CASP10: variants seen among roughly 807,000 people sequenced by gnomAD.
The protein encoded by CASP10 is caspase-10.
Under a neutral mutation model 48.5 loss-of-function variants are expected in CASP10, and 41 were observed. The ratio of observed to expected loss-of-function variants is 0.85; its 90% CI spans 0.66 to 1.10. The LOEUF (loss-of-function observed/expected upper bound fraction) is 1.10, where lower values mean the gene tolerates loss of function less well. CASP10 is among the 50% of genes least tolerant of loss of function. The pLI is 0.00. For synonymous variants in CASP10, 232 were observed against 238.4 expected (o/e 0.97, Z 0.25); for missense variants, 614 against 614.5 (o/e 1.00, Z 0.01).
intron 9 of CASP10, chr2:201,214,043 T>C (rs1159874161): frequency 6.6e-6 from 1 of 152,146 alleles, no homozygotes; most frequent in African/African-American, 2.4e-5. Context: ...TATAGGGGTA[T>C]TTTTACTATG....
chr2:201,228,130 G>T (rs1945812439), intron 9 of CASP10, among the ~76,000 whole-genome samples: 1 of 152,148 alleles, frequency 6.6e-6, no homozygotes, highest in Non-Finnish European at 1.5e-5. Context: ...GAGGCCAGGA[G>T]TATGAGACCA....
At chr2:201,204,018 G>T (rs993934634) in intron 6 of CASP10, among the ~76,000 whole-genome samples, 3 of 152,080 alleles carry the variant, frequency 2.0e-5, no homozygotes, top group Admixed American at 6.6e-5. Flanking sequence ...GACTGCAGGC[G>T]GCTGTTCTTC....
intron 1 of CASP10, among the ~76,000 whole-genome samples, chr2:201,184,472 C>T (rs553141208): frequency 9.2e-5 from 14 of 152,114 alleles, no homozygotes; most frequent in African/African-American, 3.4e-4. Context: ...CACAGGCGTG[C>T]ACCACCATGC....
intron 6 of CASP10, among the ~76,000 whole-genome samples, chr2:201,205,342 A>T (rs1365123218): frequency 6.6e-6 from 1 of 151,540 alleles, no homozygotes; most frequent in African/African-American, 2.4e-5. Flanking sequence ...CTCCCACCTC[A>T]ACGTCCCAGG....
chr2:201,193,047 T>G lies in CASP10; in HGVS notation c.505T>G (p.Cys169Gly). The change falls in exon 4 of 10, where the codon TGC (cysteine) becomes GGC (glycine). Residue 169 changes from cysteine (C) to glycine (G), a missense_variant. Cys to Gly is a radical substitution (Grantham distance 159). Coordinates refer to ENST00000286186, the MANE Select transcript of CASP10 (RefSeq NM_032977.4). ...TAAAATAGATGAAGATAATCTGACA[T>G]GCCTGGAGGACCTCTGCAAAACAGT... ...QGKIDEDNLT[C>G]LEDLCKTVVP... 6.2e-7 allele frequency: 1 copy of G among 1,613,794 alleles called. No individual in the cohort carries two copies. Among genetic ancestry groups the G allele is most frequent in the South Asian group, 1.1e-5 (1 of 91,086 alleles).
chr2:201,211,113 T>C (rs1016707409), intron 9 of CASP10, among the ~76,000 whole-genome samples: 1 of 152,194 alleles, frequency 6.6e-6, no homozygotes, highest in Non-Finnish European at 1.5e-5. Context: ...GCCTCTCTTG[T>C]AGCTATTTTG....
rs1428907187 is a variant in CASP10 at position 201,220,758 on chromosome 2, TC to T, written c.*3020del. On this transcript the variant is annotated 3_prime_UTR_variant, in exon 10 of 10. Coordinates refer to ENST00000286186, the MANE Select transcript of CASP10 (RefSeq NM_032977.4). ...TTCTTACACATGTGTCAGGATGATC[TC>T]CCAAAACCGTGTTCATAACAGTCAG... The T allele has an allele frequency of 1.0e-6, 1 of 985,172 alleles. No individual in the cohort carries two copies. The highest frequency in any genetic ancestry group is 1.2e-6 in the Non-Finnish European group (1 of 829,924). 61.0% of individuals were successfully genotyped at this position (985,172 alleles called of 1,614,324 possible). A position where few individuals can be genotyped will look rare whatever the true frequency, so the allele number is the denominator to read the frequency against.
chr2:201,218,787 A>G lies in CASP10; in HGVS notation c.*1046A>G. On this transcript the variant is annotated 3_prime_UTR_variant, in exon 10 of 10. Transcript: ENST00000286186. The stretch of plus-strand genomic sequence containing the variant: ...CCCTCTCTCTGATCTCCCCCTTCCT[A>G]AGACTTCTCTTTTGCACATCTAGTG... The G allele has an allele frequency of 2.0e-6, 2 of 985,350 alleles. No individual in the cohort carries two copies. Among genetic ancestry groups the G allele is most frequent in the Non-Finnish European group, 2.4e-6 (2 of 829,964 alleles). The allele number at this position is 985,350 out of a possible 1,614,324, so 61.0% of individuals were successfully genotyped here.
chr2:201,220,128 A>C lies in CASP10; in HGVS notation c.*2387A>C. The stretch of plus-strand genomic sequence containing the variant: ...TATCTCTGATTGTCATGTGGATTTG[A>C]ATGTAGCTTGACAGAGGGAATGTCT... On this transcript the variant is annotated 3_prime_UTR_variant, in exon 10 of 10. Transcript: ENST00000286186. 1.0e-6 allele frequency: 1 copy of C among 985,472 alleles called. No individual in the cohort carries two copies. Among genetic ancestry groups the C allele is most frequent in the Non-Finnish European group, 1.2e-6 (1 of 829,924 alleles). The allele number at this position is 985,472 out of a possible 1,614,324, so 61.0% of individuals were successfully genotyped here.
chr2:201,227,561 A>G (rs1470177931), intron 9 of CASP10, among the ~76,000 whole-genome samples: 1 of 151,836 alleles, frequency 6.6e-6, no homozygotes, highest in Non-Finnish European at 1.5e-5. Flanking sequence ...TTGATTTTTT[A>G]TTTATTTAGT....
intron 9 of CASP10, among the ~76,000 whole-genome samples, chr2:201,216,333 C>G (rs1185006543): frequency 6.6e-6 from 1 of 151,982 alleles, no homozygotes; most frequent in Non-Finnish European, 1.5e-5. Flanking sequence ...CGCATTACCG[C>G]ATTCTAGCCT....
chr2:201,200,463 A>G (rs373891393), intron 5 of CASP10: 31 of 1,598,304 alleles, frequency 1.9e-5, no homozygotes, highest in Non-Finnish European at 2.4e-5. Context: ...TTGTTTTTTT[A>G]AATGAAGGAG....
At chr2:201,227,937 C>T (rs1213735340) in intron 9 of CASP10, among the ~76,000 whole-genome samples, 1 of 152,196 alleles carries the variant, frequency 6.6e-6, no homozygotes, top group African/African-American at 2.4e-5. Context: ...ATGACACCCA[C>T]AACGCCCAAA....
chr2:201,219,450 T>C lies in CASP10; in HGVS notation c.*1709T>C, dbSNP rs2126064085. ...CTCAATCTACAGGCCAGCACCTTTCTCTTGGCCGGATGTCCTCAGGGCTGG... is the reference window on the plus strand; with the variant it reads ...CTCAATCTACAGGCCAGCACCTTTCCCTTGGCCGGATGTCCTCAGGGCTGG... On this transcript the variant is annotated 3_prime_UTR_variant, in exon 10 of 10. Transcript: ENST00000286186. 1.0e-6 allele frequency: 1 copy of C among 985,474 alleles called. No homozygotes were observed. Among genetic ancestry groups the C allele is most frequent in the East Asian group, 1.1e-4 (1 of 8,818 alleles). 61.0% of individuals were successfully genotyped at this position (985,474 alleles called of 1,614,324 possible).
chr2:201,227,430 G>A (rs1297751251), intron 9 of CASP10, among the ~76,000 whole-genome samples: 1 of 152,100 alleles, frequency 6.6e-6, no homozygotes, highest in Non-Finnish European at 1.5e-5. Context: ...ATTGCCCTGA[G>A]CCATCCCTGT....
chr2:201,223,388 C>T (rs1945749234), downstream of CASP10, among the ~76,000 whole-genome samples: 1 of 152,166 alleles, frequency 6.6e-6, no homozygotes, highest in African/African-American at 2.4e-5. Context: ...GAAAGGACCC[C>T]AATGACCCTG....
intron 5 of CASP10, among the ~76,000 whole-genome samples, chr2:201,202,744 G>C (rs368003268): frequency 1.3e-5 from 2 of 152,174 alleles, no homozygotes; most frequent in African/African-American, 2.4e-5. Context: ...CCTTGGTCAG[G>C]TCCCCTTGGG....
rs1945672216 is a variant in CASP10, at chr2:201,219,680, T to C, written c.*1939T>C. 1.0e-6 allele frequency: 1 copy of C among 985,124 alleles called. No individual in the cohort carries two copies. Among genetic ancestry groups the C allele is most frequent in the African/African-American group, 1.7e-5 (1 of 57,154 alleles). The allele number at this position is 985,124 out of a possible 1,614,324, so 61.0% of individuals were successfully genotyped here. A position where few individuals can be genotyped will look rare whatever the true frequency, so the allele number is the denominator to read the frequency against. On this transcript the variant is annotated 3_prime_UTR_variant, in exon 10 of 10. Coordinates refer to ENST00000286186, the MANE Select transcript of CASP10 (RefSeq NM_032977.4). ...CGCCTTGATGCTTTCTTCATTAAGA[T>C]TTTGAGCATTTTTACGTACTTGAGC... is the stretch of plus-strand genomic sequence containing the variant.
rs752057868 is a variant in CASP10, at chr2:201,219,077, C to A, written c.*1336C>A. 50 of 724,004 alleles carry A rather than the reference C, an allele frequency of 6.9e-5. No homozygotes were observed. Among genetic ancestry groups the A allele is most frequent in the Non-Finnish European group, 8.3e-5 (49 of 591,180 alleles). 44.8% of individuals were successfully genotyped at this position (724,004 alleles called of 1,614,324 possible). A position where few individuals can be genotyped will look rare whatever the true frequency, so the allele number is the denominator to read the frequency against. ...TTGAGGTCAGGAGTTCGAGACCAGCCTGGCCAATACGGCAAAACCTCATCA... is the reference window on the plus strand; with the variant it reads ...TTGAGGTCAGGAGTTCGAGACCAGCATGGCCAATACGGCAAAACCTCATCA... On this transcript the variant is annotated 3_prime_UTR_variant, in exon 10 of 10. Coordinates refer to ENST00000286186, the MANE Select transcript of CASP10 (RefSeq NM_032977.4).
Sources: allele counts gnomAD v4.1 joint callset (sites outside exome capture counted in the v4.1 genomes callset), GRCh38; gene constraint gnomAD v4.1.1; transcripts MANE v1.5; gene names NCBI Gene and HGNC (gene_info 2026-07-23, HGNC 2026-07-21).